The following RNF32 variants were observed in gnomAD, a reference collection of about 807,000 sequenced individuals.
RNF32 encodes ring finger protein 32.
A neutral mutation model predicts 41.0 loss-of-function variants in RNF32; 36 were observed. That is an observed-to-expected ratio of 0.88 (90% CI 0.67 to 1.16). The LOEUF (loss-of-function observed/expected upper bound fraction) is 1.16. Ranked by LOEUF, RNF32 falls within the 50% of genes most tolerant of loss-of-function variation. The pLI is 0.00. For synonymous variants in RNF32, 154 were observed against 160.9 expected (o/e 0.96, Z 0.32); for missense variants, 413 against 436.7 (o/e 0.95, Z 0.48).
intron 7 of RNF32, among the ~76,000 whole-genome samples, chr7:156,671,720 C>T (rs140887490): frequency 1.6e-3 from 243 of 150,986 alleles, no homozygotes; most frequent in African/African-American, 5.2e-3. Context: ...TTTTTCAGCC[C>T]GTGTCCCTCC....
intron 7 of RNF32, chr7:156,659,397 G>T: frequency 1.0e-6 from 1 of 985,794 alleles, no homozygotes. Context: ...TTCGTCTCGG[G>T]TGTTCATTCT....
chr7:156,668,061 A>C (rs962730582), intron 7 of RNF32, among the ~76,000 whole-genome samples: 1 of 152,168 alleles, frequency 6.6e-6, no homozygotes, highest in African/African-American at 2.4e-5. Context: ...CTCATTTCTC[A>C]TCTGTTGCAA....
chr7:156,654,225 A>C (rs1441862607), intron 3 of RNF32: 1 of 158,892 alleles, frequency 6.3e-6, no homozygotes, highest in Non-Finnish European at 1.4e-5. Context: ...AAATAACAAT[A>C]CAACAATATA....
intron 1 of RNF32, among the ~76,000 whole-genome samples, chr7:156,641,296 T>C (rs565116638): frequency 6.6e-4 from 100 of 152,316 alleles, no homozygotes; most frequent in African/African-American, 2.4e-3. Flanking sequence ...CGTGTATTTT[T>C]ATTGAGCGTG....
chr7:156,647,862 A>T (rs1046863540), intron 3 of RNF32, among the ~76,000 whole-genome samples: 17 of 152,218 alleles, frequency 1.1e-4, no homozygotes, highest in African/African-American at 3.9e-4. Context: ...GTGACTTTTT[A>T]GTAATGGTCA....
intron 7 of RNF32, chr7:156,660,323 G>A (rs1307767514): frequency 1.0e-6 from 1 of 978,298 alleles, no homozygotes; most frequent in Non-Finnish European, 1.2e-6. Context: ...AAGAGATCAA[G>A]AAGAACAGAA....
chr7:156,655,896 G>A (rs1799594784), intron 4 of RNF32, among the ~76,000 whole-genome samples: 1 of 152,174 alleles, frequency 6.6e-6, no homozygotes, highest in African/African-American at 2.4e-5. Flanking sequence ...TCTGTATGAA[G>A]AATGAAAAGT....
At chr7:156,663,459 G>C (rs1434587492) in intron 7 of RNF32, among the ~76,000 whole-genome samples, 1 of 152,114 alleles carries the variant, frequency 6.6e-6, no homozygotes, top group Admixed American at 6.5e-5. Context: ...TTTTCTGATG[G>C]AATAAAAGGC....
chr7:156,665,241 T>G (rs1245833271), intron 7 of RNF32, among the ~76,000 whole-genome samples: 2 of 152,132 alleles, frequency 1.3e-5, no homozygotes, highest in Non-Finnish European at 2.9e-5. Flanking sequence ...CCCCTCTGAG[T>G]GAGAGACTAG....
At chr7:156,675,140 G>A (rs914200037) in intron 7 of RNF32, among the ~76,000 whole-genome samples, 7 of 152,128 alleles carry the variant, frequency 4.6e-5, no homozygotes, top group South Asian at 2.1e-4. Context: ...GCGGCGACCC[G>A]AAGGGGCAGC....
rs575791665 is a variant in RNF32, at chr7:156,644,606, G to C, written c.123G>C (p.Lys41Asn). 6.2e-7 allele frequency: 1 copy of C among 1,613,176 alleles called. No individual in the cohort carries two copies. Among genetic ancestry groups the C allele is most frequent in the Non-Finnish European group, 8.5e-7 (1 of 1,179,568 alleles). ...LRNLSVADHS[K>N]TQVQKKENKS... ...ATCTTTCAGTTGCAGATCATTCTAA[G>C]ACACAAGTACAAAAGAAAGAGAACA... The change falls in exon 3 of 9, where the codon AAG becomes AAC. Residue 41 changes from lysine (K) to asparagine (N), a missense_variant. Lys to Asn is a moderately conservative substitution (Grantham distance 94). Transcript: ENST00000317955.
chr7:156,665,162 T>C lies in RNF32; in HGVS notation c.684+6592T>C, dbSNP rs900380658. On this transcript the variant is annotated intron_variant, in intron 7 of 8. Coordinates refer to ENST00000317955, the MANE Select transcript of RNF32 (RefSeq NM_030936.4). ...CCAGCTTCAGATTCATCGGTGTCTA[T>C]AGGTTTCCTAGTAATACGGCCATTA... Among the ~76,000 whole-genome samples, 3 of 152,228 alleles carry C rather than the reference T, an allele frequency of 2.0e-5. 1 individual carries two copies. The highest frequency in any genetic ancestry group is 4.4e-5 in the Non-Finnish European group (3 of 68,046).
In RNF32 at chr7:156,675,702, G is replaced by C; in HGVS notation, c.691G>C (p.Glu231Gln). 1 of 1,577,078 alleles carries C rather than the reference G, an allele frequency of 6.3e-7. No homozygotes were observed. The highest frequency in any genetic ancestry group is 8.7e-7 in the Non-Finnish European group (1 of 1,146,622). ...RKKFFEKKFT[E>Q]ISHRILCSYN... ...GCCCCCGCCTCCTCCTCAGTTCACA[G>C]AAATCAGCCACCGCATCCTGTGCTC... The change falls in exon 8 of 9, where the codon GAA becomes CAA. Residue 231 changes from glutamate to glutamine, a missense_variant. Transcript: ENST00000317955.
intron 7 of RNF32, among the ~76,000 whole-genome samples, chr7:156,663,889 C>T (rs1380292105): frequency 6.6e-6 from 1 of 152,180 alleles, no homozygotes; most frequent in African/African-American, 2.4e-5. Context: ...CTGCTTTATG[C>T]GTTACTGCCA....
chr7:156,676,292 C>T, intron 8 of RNF32, 127 bp from the exon 9 acceptor site: 3 of 1,591,424 alleles, frequency 1.9e-6, no homozygotes, highest in Non-Finnish European at 2.6e-6. Flanking sequence ...GATTTTAACA[C>T]AGAATGAAAC....
intron 7 of RNF32, among the ~76,000 whole-genome samples, chr7:156,662,499 G>A (rs979784753): frequency 6.6e-5 from 10 of 152,070 alleles, no homozygotes; most frequent in African/African-American, 2.4e-4. Context: ...CAGATGAGCT[G>A]AGCATTTGAA....
chr7:156,652,893 C>G (rs1487362148), intron 3 of RNF32, among the ~76,000 whole-genome samples: 1 of 151,610 alleles, frequency 6.6e-6, no homozygotes, highest in Non-Finnish European at 1.5e-5. Flanking sequence ...TACGTGCTAG[C>G]CTGGACAACA....
chr7:156,676,699 T>C lies in RNF32; in HGVS notation c.*44T>C. The C allele has an allele frequency of 2.0e-6, 3 of 1,493,036 alleles. No homozygotes were observed. Among genetic ancestry groups the C allele is most frequent in the Non-Finnish European group, 2.8e-6 (3 of 1,076,278 alleles). 92.5% of individuals were successfully genotyped at this position (1,493,036 alleles called of 1,614,324 possible). A position where few individuals can be genotyped will look rare whatever the true frequency, so the allele number is the denominator to read the frequency against. On this transcript the variant is annotated 3_prime_UTR_variant, in exon 9 of 9. Transcript: ENST00000317955. ...TTAGGTAATTCTGAGGAAAAAAGTTTACCATCATTTTGGATGAACTGCATG... is the reference window on the plus strand; with the variant it reads ...TTAGGTAATTCTGAGGAAAAAAGTTCACCATCATTTTGGATGAACTGCATG...
chr7:156,652,948 G>T lies in RNF32; in HGVS notation c.275-1628G>T, dbSNP rs148058968. On this transcript the variant is annotated intron_variant, in intron 3 of 8. Transcript: ENST00000317955. ...TTATTGTAAAAAATTTAAAAGTTTA[G>T]AGAGTAAAAAAGTTATAGGAAGCTA... Among the ~76,000 whole-genome samples, 11 of 152,178 alleles carry T rather than the reference G, an allele frequency of 7.2e-5. No individual in the cohort carries two copies. The East Asian group carries it at 2.1e-3, about 29-fold the overall frequency.
Sources: gnomAD v4.1 joint callset for allele counts (sites outside exome capture counted in the v4.1 genomes callset) on GRCh38, gnomAD v4.1.1 for gene constraint, MANE v1.5 for transcripts, NCBI Gene and HGNC (gene_info 2026-07-23, HGNC 2026-07-21) for gene names.